The following MNAT1 variants were observed in gnomAD, a reference collection of about 807,000 sequenced individuals.
The protein encoded by MNAT1 is CDK-activating kinase assembly factor MAT1.
Under a neutral mutation model 42.0 loss-of-function variants are expected in MNAT1, and 43 were observed. The observed-to-expected ratio is 1.02, with a 90% CI of 0.80 to 1.32. The LOEUF (loss-of-function observed/expected upper bound fraction) is 1.32. Among genes scored for constraint, MNAT1 ranks in the 40% most tolerant of loss-of-function variants. MNAT1 has a pLI of 0.00. For missense variants in MNAT1, 306 were observed against 350.4 expected (o/e 0.87, Z 1.01); for synonymous variants, 118 against 120.0 (o/e 0.98, Z 0.11).
intron 7 of MNAT1, among the ~76,000 whole-genome samples, chr14:60,884,970 A>G (rs1201335625): frequency 6.6e-6 from 1 of 152,022 alleles, no homozygotes; most frequent in Non-Finnish European, 1.5e-5. Context: ...TTCACCGGAT[A>G]TACTATTCTA....
chr14:60,922,671 A>G (rs1387353182), intron 7 of MNAT1, among the ~76,000 whole-genome samples: 1 of 152,090 alleles, frequency 6.6e-6, no homozygotes, highest in East Asian at 1.9e-4. Context: ...AGAGGGGACA[A>G]AAAGAAAAAA....
At chr14:60,827,056 A>G (rs2033077212) in intron 6 of MNAT1, among the ~76,000 whole-genome samples, 1 of 152,210 alleles carries the variant, frequency 6.6e-6, no homozygotes, top group African/African-American at 2.4e-5. Flanking sequence ...GCAAACTGAA[A>G]ATAAAATGAG....
chr14:60,869,043 T>A (rs796313485), intron 6 of MNAT1, among the ~76,000 whole-genome samples: 13,605 of 131,666 alleles, frequency 0.1, 656 homozygotes, highest in East Asian at 0.32. Flanking sequence ...TATATATATT[T>A]TTTTTTTTTT....
chr14:60,945,982 G>A (rs951722399), intron 7 of MNAT1, among the ~76,000 whole-genome samples: 4 of 152,024 alleles, frequency 2.6e-5, no homozygotes, highest in African/African-American at 4.8e-5. Context: ...CTATAAACTC[G>A]TCCATACTTG....
chr14:60,968,367 A>C lies in MNAT1; in HGVS notation c.*18A>C. 1 of 1,603,648 alleles carries C rather than the reference A, an allele frequency of 6.2e-7. No homozygotes were observed. The highest frequency in any genetic ancestry group is 8.5e-7 in the Non-Finnish European group (1 of 1,176,782). ...CCAGTTAACCATTTATAAGATTTGG[A>C]CCTTGGAGCTGAACCAGGGAGCTAG... On this transcript the variant is annotated 3_prime_UTR_variant, in exon 8 of 8. Transcript: ENST00000261245.
intron 6 of MNAT1, among the ~76,000 whole-genome samples, chr14:60,836,802 A>T (rs2033402182): frequency 2.6e-5 from 4 of 152,212 alleles, no homozygotes; most frequent in Admixed American, 2.6e-4. Context: ...CAGAGCTGGC[A>T]GGCAGGAACG....
chr14:60,937,905 T>C (rs1162479707), intron 7 of MNAT1, among the ~76,000 whole-genome samples: 10 of 152,284 alleles, frequency 6.6e-5, no homozygotes, highest in African/African-American at 1.7e-4. Context: ...TTTTATTTCA[T>C]TGAGCAGTGG....
intron 7 of MNAT1, among the ~76,000 whole-genome samples, chr14:60,900,179 G>C (rs1469197293): frequency 6.6e-6 from 1 of 152,052 alleles, no homozygotes; most frequent in Admixed American, 6.6e-5. Flanking sequence ...GTGAGAGGAA[G>C]GGTCACATGT....
At position 60,936,084 on chromosome 14, in the gene MNAT1, T is replaced by A. The variant is rs537386615; in HGVS notation, c.810-32145T>A. Among the ~76,000 whole-genome samples the A allele has an allele frequency of 2.6e-5, 4 of 152,292 alleles. No individual in the cohort carries two copies. In the South Asian group the frequency reaches 8.3e-4, roughly 32 times the overall value. On this transcript the variant is annotated intron_variant, in intron 7 of 7. Coordinates refer to ENST00000261245, the MANE Select transcript of MNAT1 (RefSeq NM_002431.4). ...AGGAGGCCAGGATCCTCCTTGCTAC[T>A]GGTGGCTCCACCCCGTTCCCCCAGT...
chr14:60,890,286 C>T (rs1227004948), intron 7 of MNAT1, among the ~76,000 whole-genome samples: 1 of 152,102 alleles, frequency 6.6e-6, no homozygotes, highest in African/African-American at 2.4e-5. Context: ...CCTTGCATCC[C>T]AGGCATAAAT....
chr14:60,861,460 G>T (rs893146289), intron 6 of MNAT1, among the ~76,000 whole-genome samples: 6 of 152,044 alleles, frequency 3.9e-5, no homozygotes, highest in Non-Finnish European at 5.9e-5. Flanking sequence ...CACTATGTAT[G>T]AACATGCCTG....
Position 60,742,646 on chromosome 14 carries a change from A to G in MNAT1, c.89+7695A>G, listed in dbSNP as rs577809701. On this transcript the variant is annotated intron_variant, in intron 1 of 7. Coordinates refer to ENST00000261245, the MANE Select transcript of MNAT1 (RefSeq NM_002431.4). The stretch of plus-strand genomic sequence containing the variant: ...ATACCTCTCACCACTTAGCCGTCAC[A>G]CTCCTCAACTCCCCCCTCCCATAGC... 3.3e-4 allele frequency among the ~76,000 whole-genome samples: 50 copies of G among 152,012 alleles called. No homozygotes were observed. The South Asian group carries it at 1.0e-2, about 30-fold the overall frequency.
At chr14:60,869,040 A>ATATATATATATATT (rs1465360826) in intron 6 of MNAT1, among the ~76,000 whole-genome samples, 57 of 113,020 alleles carry the variant, frequency 5.0e-4, no homozygotes, top group African/African-American at 1.8e-3. Flanking sequence ...ATATATATAT[A>ATATATATATATATT]TTTTTTTTTT....
intron 7 of MNAT1, among the ~76,000 whole-genome samples, chr14:60,886,982 T>G (rs1026038549): frequency 2.0e-5 from 3 of 152,210 alleles, no homozygotes; most frequent in African/African-American, 7.2e-5. Flanking sequence ...TTGATTATAA[T>G]GTTAGGCATA....
At chr14:60,890,527 C>T (rs1228166130) in intron 7 of MNAT1, among the ~76,000 whole-genome samples, 2 of 152,176 alleles carry the variant, frequency 1.3e-5, no homozygotes, top group Admixed American at 6.6e-5. Flanking sequence ...ACACCATCTG[C>T]AAGCTAAGGA....
chr14:60,776,735 G>GGGA (rs2031266476), intron 1 of MNAT1, among the ~76,000 whole-genome samples: 1 of 152,122 alleles, frequency 6.6e-6, no homozygotes, highest in Admixed American at 6.5e-5. Flanking sequence ...GAGGGTGATG[G>GGGA]GGAGGACATG....
rs546893348 is a variant in MNAT1 at position 60,838,748 on chromosome 14, G to A, written c.687+19901G>A. Among the ~76,000 whole-genome samples, 60 of 152,138 alleles carry A rather than the reference G, an allele frequency of 3.9e-4. No individual in the cohort carries two copies. The South Asian group carries it at 5.2e-3, about 13-fold the overall frequency. On this transcript the variant is annotated intron_variant, in intron 6 of 7. Transcript: ENST00000261245. Reference sequence around the variant, plus strand: ...TGTGGTTGTGGATCTGGGCATCCCTGCACTCTCGGGGGTCTGGGAAGCCCC... The same window carrying A: ...TGTGGTTGTGGATCTGGGCATCCCTACACTCTCGGGGGTCTGGGAAGCCCC...
At chr14:60,754,381 G>A (rs556842778) in intron 1 of MNAT1, among the ~76,000 whole-genome samples, 1 of 140,556 alleles carries the variant, frequency 7.1e-6, no homozygotes, top group African/African-American at 2.7e-5. Context: ...TCGCTCTGTC[G>A]CCCAAGCTGG....
intron 3 of MNAT1, among the ~76,000 whole-genome samples, chr14:60,805,844 G>A (rs751555088): frequency 6.6e-6 from 1 of 152,194 alleles, no homozygotes; most frequent in Non-Finnish European, 1.5e-5. Flanking sequence ...TACCATTCAT[G>A]TGTGGGTTTT....
Sources: gnomAD v4.1 joint callset for allele counts (sites outside exome capture counted in the v4.1 genomes callset) on GRCh38, gnomAD v4.1.1 for gene constraint, MANE v1.5 for transcripts, NCBI Gene and HGNC (gene_info 2026-07-23, HGNC 2026-07-21) for gene names.